Variants in FIG4 observed in about 807,000 individuals in gnomAD.
FIG4 encodes the protein FIG4 phosphoinositide 5-phosphatase.
In FIG4, 112 loss-of-function variants were observed where a neutral mutation model predicts 118.6. That is an observed-to-expected ratio of 0.94 (90% CI 0.81 to 1.11). The LOEUF is 1.11. FIG4 is among the 50% of genes least tolerant of loss of function. FIG4 has a pLI of 0.00. For synonymous variants in FIG4, 369 were observed against 381.2 expected, an observed-to-expected ratio of 0.97 and a Z score of 0.37; for missense variants, 969 against 1,111.7, an observed-to-expected ratio of 0.87 and a Z score of 1.83.
rs34998755 is a variant in FIG4 at position 109,792,736 on chromosome 6, C to CTTTT, written c.2459+88_2459+91dup. On this transcript the variant is annotated intron_variant, in intron 21 of 22. Coordinates refer to ENST00000230124, the MANE Select transcript of FIG4 (RefSeq NM_014845.6). ...TTACAGTAACTTCTAACTACTATAC[C>CTTTT]TTTTTTTTTTTTTTTTTTTGGAGAC... is the stretch of plus-strand genomic sequence containing the variant. 26 of 430,402 alleles carry CTTTT rather than the reference C, an allele frequency of 6.0e-5. 1 individual carries two copies. Among genetic ancestry groups the CTTTT allele is most frequent in the Admixed American group, 2.5e-4 (7 of 27,804 alleles). 26.7% of individuals were successfully genotyped at this position (430,402 alleles called of 1,614,324 possible). A position where few individuals can be genotyped will look rare whatever the true frequency, so the allele number is the denominator to read the frequency against.
At position 109,743,167 on chromosome 6, in the gene FIG4, T is replaced by C; in HGVS notation, c.934T>C (p.Ser312Pro). 6.2e-7 allele frequency: 1 copy of C among 1,613,008 alleles called. No homozygotes were observed. The highest frequency in any genetic ancestry group is 8.5e-7 in the Non-Finnish European group (1 of 1,179,216). ...AATACTCTGCGATGCTTCTGTGATG[T>C]CTTTCACTGCAGGAAGTTATTCTTC... is the stretch of plus-strand genomic sequence containing the variant. ...EQILCDASVM[S>P]FTAGSYSSYV... Residue 312 changes from serine to proline, a missense_variant, in exon 9 of 23, where the codon TCT (serine) becomes CCT (proline). Ser to Pro is a moderately conservative substitution (Grantham distance 74). This residue lies in a region of FIG4 where 393 missense variants were observed against 409.4 expected (regional missense o/e 0.96). Coordinates refer to ENST00000230124, the MANE Select transcript of FIG4 (RefSeq NM_014845.6).
chr6:109,710,188 A>G (rs1775213484), intron 1 of FIG4, among the ~76,000 whole-genome samples: 1 of 151,860 alleles, frequency 6.6e-6, no homozygotes, highest in African/African-American at 2.4e-5. Context: ...ATTTTATTGA[A>G]AGCATCTGGG....
At position 109,743,575 on chromosome 6, in the gene FIG4, A is replaced by G. The variant is rs1776390635; in HGVS notation, c.1040-100A>G. 3 of 855,088 alleles carry G rather than the reference A, an allele frequency of 3.5e-6. No homozygotes were observed. The Admixed American group carries it at 5.6e-5, about 16-fold the overall frequency. 53.0% of individuals were successfully genotyped at this position (855,088 alleles called of 1,614,324 possible). ...ATTTGGGAAGTGAAACTATTGAAAG[A>G]TTAGTTGAATTGCATTTCTTTAAAA... On this transcript the variant is annotated intron_variant, in intron 9 of 22. Transcript: ENST00000230124.
At position 109,791,358 on chromosome 6, in the gene FIG4, A is replaced by G. The variant is rs367921913; in HGVS notation, c.2181-18A>G. On this transcript the variant is annotated intron_variant, in intron 19 of 22. Transcript: ENST00000230124. Reference sequence around the variant, plus strand: ...GTTAGTTTAAAGATGCTTCACTTCCATATTATTCTTTTAAAAGAAACAAAA... The same window carrying G: ...GTTAGTTTAAAGATGCTTCACTTCCGTATTATTCTTTTAAAAGAAACAAAA... The G allele has an allele frequency of 1.2e-6, 2 of 1,606,052 alleles. No individual in the cohort carries two copies. Among genetic ancestry groups the G allele is most frequent in the South Asian group, 1.1e-5 (1 of 90,966 alleles).
chr6:109,800,552 A>G (rs74513114), intron 22 of FIG4, among the ~76,000 whole-genome samples: 2 of 152,172 alleles, frequency 1.3e-5, no homozygotes, highest in African/African-American at 4.8e-5. Context: ...TTACAAGGTT[A>G]TACATTTTTA....
At chr6:109,706,744 A>T (rs1293730702) in intron 1 of FIG4, among the ~76,000 whole-genome samples, 2 of 152,150 alleles carry the variant, frequency 1.3e-5, no homozygotes, top group African/African-American at 4.8e-5. Context: ...TTTCTCGCTT[A>T]TTCTTGTGCC....
At chr6:109,723,731 T>C (rs933531449) in intron 3 of FIG4, among the ~76,000 whole-genome samples, 3 of 152,194 alleles carry the variant, frequency 2.0e-5, no homozygotes, top group East Asian at 1.9e-4. Flanking sequence ...AATTCTGAAA[T>C]TGAACTTGAT....
chr6:109,728,207 A>T (rs1775878949), intron 4 of FIG4, among the ~76,000 whole-genome samples: 1 of 152,228 alleles, frequency 6.6e-6, no homozygotes, highest in South Asian at 2.1e-4. Context: ...TTAGAAAAAT[A>T]AAATGTATTT....
At chr6:109,757,028 C>A (rs533350769) in intron 10 of FIG4, among the ~76,000 whole-genome samples, 2 of 152,160 alleles carry the variant, frequency 1.3e-5, no homozygotes. Flanking sequence ...TCTTCTGCGT[C>A]GCTCACGCTG....
chr6:109,717,008 C>CTTTTT (rs58004392), intron 3 of FIG4, among the ~76,000 whole-genome samples: 1 of 138,254 alleles, frequency 7.2e-6, no homozygotes, highest in Non-Finnish European at 1.6e-5. Flanking sequence ...TGGATGACTG[C>CTTTTT]TTTTTTTTTT....
intron 22 of FIG4, among the ~76,000 whole-genome samples, chr6:109,806,470 T>A (rs1386493638): frequency 2.6e-5 from 4 of 151,996 alleles, no homozygotes; most frequent in African/African-American, 9.7e-5. Flanking sequence ...TGCACACATG[T>A]GTGCACACAC....
intron 7 of FIG4, among the ~76,000 whole-genome samples, chr6:109,740,074 T>C (rs984023645): frequency 6.6e-6 from 1 of 152,190 alleles, no homozygotes; most frequent in Non-Finnish European, 1.5e-5. Flanking sequence ...AGAGATTTGA[T>C]CCTGAATTAC....
intron 1 of FIG4, among the ~76,000 whole-genome samples, chr6:109,714,729 G>A (rs1281824345): frequency 6.6e-6 from 1 of 152,092 alleles, no homozygotes; most frequent in Admixed American, 6.6e-5. Flanking sequence ...TATATGTTGA[G>A]CTTTAGAATT....
chr6:109,736,412 G>A (rs1309144104), intron 6 of FIG4, among the ~76,000 whole-genome samples: 1 of 152,000 alleles, frequency 6.6e-6, no homozygotes, highest in Non-Finnish European at 1.5e-5. Context: ...TCAAACCCAG[G>A]GCACCCTCCC....
At chr6:109,814,020 T>C (rs1021823352) in intron 22 of FIG4, among the ~76,000 whole-genome samples, 1 of 152,098 alleles carries the variant, frequency 6.6e-6, no homozygotes, top group Non-Finnish European at 1.5e-5. Flanking sequence ...CTCCAGAAAC[T>C]GTGACATAAT....
Position 109,743,871 on chromosome 6 carries a change from T to C in FIG4, c.1137+99T>C, listed in dbSNP as rs1776403112. 4.6e-6 allele frequency: 4 copies of C among 862,694 alleles called. No homozygotes were observed. The Admixed American group carries it at 7.0e-5, about 15-fold the overall frequency. The allele number at this position is 862,694 out of a possible 1,614,324, so 53.4% of individuals were successfully genotyped here. A position where few individuals can be genotyped will look rare whatever the true frequency, so the allele number is the denominator to read the frequency against. Reference sequence around the variant, plus strand: ...TAACAAGCCATGCTTTCCCTCTTCCTAGTGGAGAGACGTGCAGATTATTAT... The same window carrying C: ...TAACAAGCCATGCTTTCCCTCTTCCCAGTGGAGAGACGTGCAGATTATTAT... On this transcript the variant is annotated intron_variant, in intron 10 of 22. Transcript: ENST00000230124.
chr6:109,707,894 T>C (rs1158417088), intron 1 of FIG4, among the ~76,000 whole-genome samples: 3 of 152,164 alleles, frequency 2.0e-5, no homozygotes, highest in Non-Finnish European at 4.4e-5. Context: ...TTTTTAGATA[T>C]AATTTTAGAA....
Position 109,691,909 on chromosome 6 carries a change from T to G in FIG4, c.66+408T>G, listed in dbSNP as rs570631428. 2.3e-3 allele frequency among the ~76,000 whole-genome samples: 345 copies of G among 152,370 alleles called. 2 individuals are homozygous for G. The highest frequency in any genetic ancestry group is 4.0e-3 in the Non-Finnish European group (270 of 68,030). ...ATTTGAACTATGACTTGTAACTTAT[T>G]TTTTCCTATTCCATGGTATACCATC... On this transcript the variant is annotated intron_variant, in intron 1 of 22. Coordinates refer to ENST00000230124, the MANE Select transcript of FIG4 (RefSeq NM_014845.6).
intron 7 of FIG4, among the ~76,000 whole-genome samples, chr6:109,739,719 C>A (rs920863741): frequency 6.6e-6 from 1 of 151,828 alleles, no homozygotes; most frequent in African/African-American, 2.4e-5. Flanking sequence ...TACTTGGAAC[C>A]GAAGTTACAG....
Sources: gnomAD v4.1 joint callset for allele counts (sites outside exome capture counted in the v4.1 genomes callset) on GRCh38, gnomAD v4.1.1 for gene constraint, gnomAD v4.1.1 regional missense constraint, MANE v1.5 for transcripts, NCBI Gene and HGNC (gene_info 2026-07-23, HGNC 2026-07-21) for gene names.